NEDD4: variants seen among roughly 807,000 people sequenced by gnomAD.
NEDD4 encodes NEDD4 E3 ubiquitin protein ligase.
In NEDD4, 99 loss-of-function variants were observed where a neutral mutation model predicts 144.9. The ratio of observed to expected loss-of-function variants is 0.68; its 90% CI spans 0.58 to 0.81. The LOEUF (loss-of-function observed/expected upper bound fraction) is 0.81, where lower values mean the gene tolerates loss of function less well. Ranked by LOEUF, NEDD4 falls within the 30% of genes least tolerant of loss-of-function variation. NEDD4 has a pLI of 0.00. For synonymous variants in NEDD4, 318 were observed against 350.6 expected (o/e 0.91, Z 1.04); for missense variants, 985 against 1,065.9 (o/e 0.92, Z 1.06).
At chr15:55,895,171 G>C (rs1165245205) in intron 5 of NEDD4, among the ~76,000 whole-genome samples, 1 of 152,112 alleles carries the variant, frequency 6.6e-6, no homozygotes, top group African/African-American at 2.4e-5. Flanking sequence ...ATTCACTCTC[G>C]ACTGAAAATA....
At chr15:55,881,822 A>G (rs1483363797) in intron 5 of NEDD4, among the ~76,000 whole-genome samples, 2 of 152,168 alleles carry the variant, frequency 1.3e-5, no homozygotes, top group East Asian at 1.9e-4. Context: ...CAGCTTGGGC[A>G]CTACTGACAA....
intron 4 of NEDD4, among the ~76,000 whole-genome samples, chr15:55,928,455 T>C (rs1376468084): frequency 2.0e-5 from 3 of 152,252 alleles, no homozygotes; most frequent in African/African-American, 4.8e-5. Context: ...TGATCCTTCA[T>C]GATCTGAGTC....
intron 1 of NEDD4, among the ~76,000 whole-genome samples, chr15:55,986,004 G>A (rs574415903): frequency 2.0e-5 from 3 of 152,290 alleles, no homozygotes; most frequent in South Asian, 2.1e-4. Context: ...GACTTGTTAC[G>A]AAGACCTAGG....
intron 26 of NEDD4, among the ~76,000 whole-genome samples, chr15:55,833,753 T>C (rs1166201351): frequency 2.0e-5 from 3 of 152,204 alleles, no homozygotes; most frequent in Non-Finnish European, 1.5e-5. Context: ...AGGAATACCC[T>C]GCAGGTTATT....
intron 4 of NEDD4, among the ~76,000 whole-genome samples, chr15:55,928,205 T>G (rs112000713): frequency 0.14 from 20,919 of 152,012 alleles, 1,569 homozygotes; most frequent in East Asian, 0.32. Context: ...AGAGACAGGG[T>G]TTCACCGTGT....
intron 1 of NEDD4, among the ~76,000 whole-genome samples, chr15:55,976,682 T>G (rs1011375032): frequency 2.7e-5 from 4 of 147,028 alleles, no homozygotes; most frequent in Non-Finnish European, 5.9e-5. Flanking sequence ...CAGGCTGGAG[T>G]GCAGTGGTGC....
chr15:55,827,204 A>C lies in NEDD4; in HGVS notation c.*2693T>G, dbSNP rs1377373200. 1 of 152,244 alleles carries C rather than the reference A, an allele frequency of 6.6e-6. No homozygotes were observed. The highest frequency in any genetic ancestry group is 1.5e-5 in the Non-Finnish European group (1 of 68,046). The allele number at this position is 152,244 out of a possible 1,614,324, so 9.4% of individuals were successfully genotyped here. On this transcript the variant is annotated 3_prime_UTR_variant, in exon 29 of 29. Transcript: ENST00000435532. ...GCATTTGTAATACAATTTTGTTAAA[A>C]ATTTTTAATAAGAGATTGTAGGCTA... is the stretch of plus-strand genomic sequence containing the variant.
At chr15:55,848,179 C>T (rs367581365) in intron 17 of NEDD4, among the ~76,000 whole-genome samples, 193 bp downstream of exon 17, 2 of 152,156 alleles carry the variant, frequency 1.3e-5, no homozygotes, top group African/African-American at 4.8e-5. Flanking sequence ...ACTGCTATTG[C>T]GTAGGGTAAG....
At chr15:55,919,521 C>T (rs1270345635) in intron 5 of NEDD4, among the ~76,000 whole-genome samples, 1 of 152,088 alleles carries the variant, frequency 6.6e-6, no homozygotes, top group Admixed American at 6.6e-5. Flanking sequence ...TGCATAGGAT[C>T]TATACTGCTA....
intron 4 of NEDD4, among the ~76,000 whole-genome samples, chr15:55,925,767 T>C (rs1442492880): frequency 3.3e-5 from 5 of 152,120 alleles, no homozygotes; most frequent in Non-Finnish European, 7.4e-5. Flanking sequence ...AATCCTAGTT[T>C]TACCTACAGC....
intron 4 of NEDD4, among the ~76,000 whole-genome samples, chr15:55,932,589 C>T (rs544040397): frequency 6.6e-5 from 10 of 152,032 alleles, no homozygotes; most frequent in Non-Finnish European, 1.0e-4. Flanking sequence ...TAGGCAATAC[C>T]ATTCAGGCCA....
chr15:55,957,915 T>A (rs538680802), intron 2 of NEDD4, among the ~76,000 whole-genome samples: 1 of 152,230 alleles, frequency 6.6e-6, no homozygotes, highest in African/African-American at 2.4e-5. Context: ...AGGTGGGAAC[T>A]GAACAATAAC....
chr15:55,923,512 T>C (rs996150058), intron 5 of NEDD4, among the ~76,000 whole-genome samples: 2 of 151,804 alleles, frequency 1.3e-5, no homozygotes, highest in Non-Finnish European at 2.9e-5. Context: ...CCAGGTGTGG[T>C]GGTGAGCGCC....
intron 4 of NEDD4, among the ~76,000 whole-genome samples, chr15:55,945,750 C>G (rs988882792): frequency 6.6e-6 from 1 of 151,898 alleles, no homozygotes; most frequent in African/African-American, 2.4e-5. Flanking sequence ...ATGTTAAGGG[C>G]GGCCACAGAG....
intron 2 of NEDD4, among the ~76,000 whole-genome samples, chr15:55,958,538 C>G (rs1033034829): frequency 6.6e-6 from 1 of 151,982 alleles, no homozygotes; most frequent in Admixed American, 6.6e-5. Context: ...ATTTTCTGAA[C>G]GTGTTTGTGT....
intron 12 of NEDD4, among the ~76,000 whole-genome samples, chr15:55,855,606 T>C (rs2034161488): frequency 6.6e-6 from 1 of 152,234 alleles, no homozygotes; most frequent in African/African-American, 2.4e-5. Flanking sequence ...CCATCCAGGC[T>C]GTGGCTGGGA....
At chr15:55,859,574 G>A (rs1039467909) in intron 11 of NEDD4, among the ~76,000 whole-genome samples, 5 of 152,138 alleles carry the variant, frequency 3.3e-5, no homozygotes, top group Non-Finnish European at 5.9e-5. Flanking sequence ...GTGTGCGCCT[G>A]TAATCTCAGC....
intron 4 of NEDD4, among the ~76,000 whole-genome samples, chr15:55,934,451 A>G (rs1386153789): frequency 1.3e-5 from 2 of 152,244 alleles, no homozygotes; most frequent in African/African-American, 2.4e-5. Flanking sequence ...ATATATTTTA[A>G]TAACACTGTA....
chr15:55,916,024 G>T, intron 5 of NEDD4: 3 of 1,613,814 alleles, frequency 1.9e-6, no homozygotes, highest in Non-Finnish European at 2.5e-6. Flanking sequence ...GGACTCCTAG[G>T]AAAAATGACT....
Sources: allele counts gnomAD v4.1 joint callset (sites outside exome capture counted in the v4.1 genomes callset), GRCh38; gene constraint gnomAD v4.1.1; transcripts MANE v1.5; gene names NCBI Gene and HGNC (gene_info 2026-07-23, HGNC 2026-07-21).